RBFOX1: variants seen among roughly 807,000 people sequenced by gnomAD.
The protein encoded by RBFOX1 is RNA binding fox-1 homolog 1.
Under a neutral mutation model 57.7 loss-of-function variants are expected in RBFOX1, and 8 were observed. That is an observed-to-expected ratio of 0.14 (90% CI 0.08 to 0.25). RBFOX1 has a LOEUF of 0.25. Ranked by LOEUF, RBFOX1 falls within the 10% of genes least tolerant of loss-of-function variation. The probability of loss-of-function intolerance (pLI) is 1.00; values close to 1 mark genes in which losing one functional copy is unlikely to be tolerated. For missense variants in RBFOX1, 611 were observed against 548.5 expected (o/e 1.11, Z -1.14); for synonymous variants, 326 against 222.4 (o/e 1.47, Z -4.15).
chr16:6,372,573 T>C (rs540831873), intron 2 of RBFOX1, among the ~76,000 whole-genome samples: 42 of 150,342 alleles, frequency 2.8e-4, no homozygotes, highest in African/African-American at 9.8e-4. Context: ...GGAGATTGGG[T>C]GGAAGAGTAG....
chr16:7,307,810 A>G (rs953596617), intron 4 of RBFOX1, among the ~76,000 whole-genome samples: 3 of 152,222 alleles, frequency 2.0e-5, no homozygotes, highest in African/African-American at 7.2e-5. Flanking sequence ...TTTCAGATGG[A>G]ACGGACAAGT....
At chr16:5,974,218 C>G (rs2060017205) in intron 4 of RBFOX1, among the ~76,000 whole-genome samples, 1 of 152,196 alleles carries the variant, frequency 6.6e-6, no homozygotes, top group African/African-American at 2.4e-5. Context: ...ACTGCTTCAG[C>G]TGTTCCTGTT....
At chr16:7,696,169 C>T (rs534423560) in intron 14 of RBFOX1, among the ~76,000 whole-genome samples, 1 of 152,274 alleles carries the variant, frequency 6.6e-6, no homozygotes. Context: ...ACAAGGATAT[C>T]TATTTTCTTA....
intron 4 of RBFOX1, among the ~76,000 whole-genome samples, chr16:7,423,748 C>T (rs1035330993): frequency 6.6e-6 from 1 of 152,074 alleles, no homozygotes; most frequent in African/African-American, 2.4e-5. Context: ...TATTGCACAC[C>T]TCTGTTCTGT....
At chr16:7,532,019 T>A (rs1020834724) in intron 5 of RBFOX1, among the ~76,000 whole-genome samples, 6 of 152,320 alleles carry the variant, frequency 3.9e-5, no homozygotes, top group African/African-American at 1.4e-4. Flanking sequence ...ACAAGGAAAT[T>A]GCTATAATTA....
chr16:6,449,282 C>G (rs2094544960), intron 2 of RBFOX1, among the ~76,000 whole-genome samples: 1 of 152,182 alleles, frequency 6.6e-6, no homozygotes, highest in African/African-American at 2.4e-5. Context: ...AGAAATCATG[C>G]TTGCTCGTTT....
intron 3 of RBFOX1, chr16:6,774,160 G>T (rs1184038540): frequency 3.6e-6 from 1 of 279,008 alleles, no homozygotes; most frequent in Non-Finnish European, 5.4e-6. Flanking sequence ...GAAGGCAAAT[G>T]AAAAATTCCA....
chr16:7,647,883 A>G (rs1029431476), intron 11 of RBFOX1, among the ~76,000 whole-genome samples: 2 of 152,212 alleles, frequency 1.3e-5, no homozygotes, highest in Non-Finnish European at 2.9e-5. Context: ...TCAACAAAAT[A>G]TAAGTGCCAT....
chr16:6,991,425 A>G (rs530146233), intron 3 of RBFOX1, among the ~76,000 whole-genome samples: 2 of 152,342 alleles, frequency 1.3e-5, no homozygotes, highest in Admixed American at 6.5e-5. Context: ...GGAAGCTCAT[A>G]TCCCATAGGG....
intron 4 of RBFOX1, among the ~76,000 whole-genome samples, chr16:7,165,883 G>C (rs2079372602): frequency 6.6e-6 from 1 of 150,916 alleles, no homozygotes; most frequent in African/African-American, 2.4e-5. Context: ...TTCTTGAATA[G>C]ATATGTTGGA....
chr16:7,108,703 C>G (rs1400582116), intron 4 of RBFOX1, among the ~76,000 whole-genome samples: 1 of 152,108 alleles, frequency 6.6e-6, no homozygotes, highest in Non-Finnish European at 1.5e-5. Flanking sequence ...TTAAAAGTGT[C>G]CATACTCTTT....
At chr16:5,756,848 T>G (rs2053415436) in intron 3 of RBFOX1, among the ~76,000 whole-genome samples, 1 of 152,104 alleles carries the variant, frequency 6.6e-6, no homozygotes, top group South Asian at 2.1e-4. Flanking sequence ...AGGTACTGAG[T>G]GTTTATTGCA....
intron 3 of RBFOX1, among the ~76,000 whole-genome samples, chr16:6,725,209 C>T (rs1267852322): frequency 6.6e-6 from 1 of 151,894 alleles, no homozygotes; most frequent in African/African-American, 2.4e-5. Context: ...CGCCACCATG[C>T]CCAGCTAATT....
chr16:6,582,507 C>T (rs1159662155), intron 2 of RBFOX1, among the ~76,000 whole-genome samples: 4 of 150,298 alleles, frequency 2.7e-5, no homozygotes, highest in Non-Finnish European at 4.4e-5. Context: ...CTCAAAGGCC[C>T]TGACACTGCA....
intron 3 of RBFOX1, among the ~76,000 whole-genome samples, chr16:7,014,716 C>G (rs971405081): frequency 6.6e-6 from 1 of 151,500 alleles, no homozygotes; most frequent in African/African-American, 2.4e-5. Context: ...AAACTAGAAG[C>G]CAAGTTCTTT....
At chr16:7,434,608 G>A (rs1446385001) in intron 4 of RBFOX1, among the ~76,000 whole-genome samples, 1 of 151,990 alleles carries the variant, frequency 6.6e-6, no homozygotes, top group Admixed American at 6.6e-5. Flanking sequence ...GAAGCCCTAA[G>A]GGGATCCTAA....
chr16:7,447,371 TGCA>T (rs2098816950), intron 4 of RBFOX1, among the ~76,000 whole-genome samples: 1 of 146,906 alleles, frequency 6.8e-6, no homozygotes, highest in African/African-American at 2.5e-5. Flanking sequence ...AGACGGAGGT[TGCA>T]GTGAGCTGAG....
intron 3 of RBFOX1, among the ~76,000 whole-genome samples, chr16:5,793,700 C>A (rs1403765571): frequency 6.6e-6 from 1 of 152,234 alleles, no homozygotes; most frequent in African/African-American, 2.4e-5. Context: ...CATTGGGAGA[C>A]TTTCCAGGCT....
At chr16:6,837,019 A>G (rs1295846699) in intron 3 of RBFOX1, among the ~76,000 whole-genome samples, 2 of 152,076 alleles carry the variant, frequency 1.3e-5, no homozygotes, top group Non-Finnish European at 1.5e-5. Flanking sequence ...GAACACACCT[A>G]TTTACTCGGC....
Sources: gnomAD v4.1 joint callset for allele counts (sites outside exome capture counted in the v4.1 genomes callset) on GRCh38, gnomAD v4.1.1 for gene constraint, MANE v1.5 for transcripts, NCBI Gene and HGNC (gene_info 2026-07-23, HGNC 2026-07-21) for gene names.